Variants in PLCG2 observed in about 807,000 individuals in gnomAD.
PLCG2 encodes phospholipase C gamma 2.
In PLCG2, 69 loss-of-function variants were observed where a neutral mutation model predicts 175.6. That is an observed-to-expected ratio of 0.39 (90% CI 0.32 to 0.48). The LOEUF (loss-of-function observed/expected upper bound fraction) is 0.48. Ranked by LOEUF, PLCG2 falls within the 20% of genes least tolerant of loss-of-function variation. The probability of loss-of-function intolerance (pLI) is 0.91; values close to 1 mark genes in which losing one functional copy is unlikely to be tolerated. For missense variants in PLCG2, 1,798 were observed against 1,650.9 expected (o/e 1.09, Z -1.54); for synonymous variants, 827 against 624.0 (o/e 1.33, Z -4.85).
intron 1 of PLCG2, among the ~76,000 whole-genome samples, chr16:81,780,780 A>C (rs1484698972): frequency 6.6e-6 from 1 of 152,162 alleles, no homozygotes; most frequent in African/African-American, 2.4e-5. Context: ...TAATCCCAGC[A>C]CTTTGGGAGG....
Position 81,923,477 on chromosome 16 carries a change from C to T in PLCG2, c.2308-8C>T. ...GCCTGACCTTTTCCTTCTTGTTTTC[C>T]CTGAAAGCCTCAGAGAACCGTGAAA... On this transcript the variant is annotated splice_polypyrimidine_tract_variant and splice_region_variant and intron_variant, in intron 21 of 32. Transcript: ENST00000564138. 1.9e-6 allele frequency: 3 copies of T among 1,584,492 alleles called. No homozygotes were observed. Among genetic ancestry groups the T allele is most frequent in the East Asian group, 2.2e-5 (1 of 44,628 alleles).
rs1908771040 is a variant in PLCG2 at position 81,894,112 on chromosome 16, G to A, written c.1072+318G>A. On this transcript the variant is annotated intron_variant, in intron 12 of 32. Coordinates refer to ENST00000564138, the MANE Select transcript of PLCG2 (RefSeq NM_002661.5). The stretch of plus-strand genomic sequence containing the variant: ...CAGGTACCGCGTATCACCTGGATTG[G>A]GGGGTCTCTGAGCAAATGTGAAAAG... Among the ~76,000 whole-genome samples, 3 of 151,954 alleles carry A rather than the reference G, an allele frequency of 2.0e-5. No homozygotes were observed. In the South Asian group the frequency reaches 6.2e-4, roughly 32 times the overall value.
chr16:81,910,279 C>T (rs1023775949), intron 17 of PLCG2, among the ~76,000 whole-genome samples: 7 of 152,040 alleles, frequency 4.6e-5, no homozygotes, highest in African/African-American at 7.2e-5. Context: ...TTAGTAGAGA[C>T]GAGATTTCAC....
chr16:81,815,359 T>G (rs139975981), intron 2 of PLCG2, among the ~76,000 whole-genome samples: 1,799 of 152,284 alleles, frequency 0.012, 36 homozygotes, highest in African/African-American at 0.041. Context: ...GAGATCCTTC[T>G]GTGTAGCTGA....
At chr16:81,875,364 G>A (rs1315036135) in intron 7 of PLCG2, among the ~76,000 whole-genome samples, 1 of 152,182 alleles carries the variant, frequency 6.6e-6, no homozygotes, top group Non-Finnish European at 1.5e-5. Flanking sequence ...GAGGTCCAGA[G>A]AGGTTACTTT....
Position 81,848,818 on chromosome 16 carries a change from A to T in PLCG2, c.194-5626A>T, listed in dbSNP as rs553923895. 1.1e-4 allele frequency among the ~76,000 whole-genome samples: 17 copies of T among 152,278 alleles called. No individual in the cohort carries two copies. The East Asian group carries it at 3.3e-3, about 29-fold the overall frequency. ...ACAGTCTAGGAAAGGAGGGCTGTGG[A>T]TCCACAGATTCCATCTAATACATAT... On this transcript the variant is annotated intron_variant, in intron 2 of 32. Coordinates refer to ENST00000564138, the MANE Select transcript of PLCG2 (RefSeq NM_002661.5).
intron 7 of PLCG2, among the ~76,000 whole-genome samples, chr16:81,875,257 C>A (rs1424682275): frequency 6.6e-6 from 1 of 152,102 alleles, no homozygotes; most frequent in Non-Finnish European, 1.5e-5. Context: ...AGCCATCATG[C>A]CCAACCTGCT....
At chr16:81,789,730 C>T (rs1398296007) in intron 2 of PLCG2, among the ~76,000 whole-genome samples, 1 of 152,080 alleles carries the variant, frequency 6.6e-6, no homozygotes, top group African/African-American at 2.4e-5. Flanking sequence ...GGTAACTAGG[C>T]AGGTTTCACA....
At chr16:81,788,175 C>A (rs1911067571) in intron 2 of PLCG2, among the ~76,000 whole-genome samples, 1 of 152,096 alleles carries the variant, frequency 6.6e-6, no homozygotes, top group African/African-American at 2.4e-5. Context: ...CATTTATATT[C>A]CTTCCAGTGG....
At chr16:81,829,495 G>A (rs1366732557) in intron 2 of PLCG2, among the ~76,000 whole-genome samples, 1 of 152,338 alleles carries the variant, frequency 6.6e-6, no homozygotes, top group Middle Eastern at 3.4e-3. Context: ...TGGGATTACA[G>A]GTGTGAGCCA....
intron 2 of PLCG2, among the ~76,000 whole-genome samples, chr16:81,853,495 G>A (rs1906525087): frequency 6.6e-6 from 1 of 152,110 alleles, no homozygotes; most frequent in African/African-American, 2.4e-5. Flanking sequence ...ATTGCTTTAG[G>A]ATAAAACTGT....
chr16:81,880,809 C>T (rs1908040769), intron 7 of PLCG2, 101 bp from the exon 8 acceptor site: 5 of 981,802 alleles, frequency 5.1e-6, no homozygotes, highest in Non-Finnish European at 6.5e-6. Context: ...GATCTTGTTG[C>T]ATCTGACAAA....
At chr16:81,805,170 A>G (rs949147734) in intron 2 of PLCG2, among the ~76,000 whole-genome samples, 3 of 152,174 alleles carry the variant, frequency 2.0e-5, no homozygotes, top group Non-Finnish European at 4.4e-5. Flanking sequence ...AAGAGCTGAT[A>G]AAGGACCCAT....
At chr16:81,816,037 G>C (rs985270506) in intron 2 of PLCG2, among the ~76,000 whole-genome samples, 1 of 148,952 alleles carries the variant, frequency 6.7e-6, no homozygotes, top group African/African-American at 2.5e-5. Context: ...ACTTCAGCCT[G>C]GGTGACAGAG....
At chr16:81,834,714 G>C (rs532407240) in intron 2 of PLCG2, among the ~76,000 whole-genome samples, 37 of 152,188 alleles carry the variant, frequency 2.4e-4, no homozygotes, top group African/African-American at 8.9e-4. Context: ...GGGTGGGGAG[G>C]AGAACCCACT....
chr16:81,894,171 G>A (rs62044000), intron 12 of PLCG2, among the ~76,000 whole-genome samples: 11,526 of 152,200 alleles, frequency 0.076, 517 homozygotes, highest in African/African-American at 0.12. Context: ...GCTCATGCCT[G>A]TAATCCCAGC....
At chr16:81,800,225 T>A (rs1911660786) in intron 2 of PLCG2, among the ~76,000 whole-genome samples, 2 of 152,220 alleles carry the variant, frequency 1.3e-5, no homozygotes, top group South Asian at 4.1e-4. Flanking sequence ...ACTTTTATTG[T>A]AAGTTCTGGG....
chr16:81,870,291 C>G (rs562612046), intron 6 of PLCG2, among the ~76,000 whole-genome samples: 24 of 152,256 alleles, frequency 1.6e-4, no homozygotes, highest in Admixed American at 4.6e-4. Context: ...TAGTGGTTCT[C>G]CCATTTTACA....
intron 17 of PLCG2, 31 bp from the exon 18 acceptor site, chr16:81,910,489 T>A (rs754029085): frequency 6.2e-7 from 1 of 1,607,764 alleles, no homozygotes; most frequent in Admixed American, 1.7e-5. Context: ...GCCTGCGTTC[T>A]CCCAGCACTG....
Sources: gnomAD v4.1 joint callset for allele counts (sites outside exome capture counted in the v4.1 genomes callset) on GRCh38, gnomAD v4.1.1 for gene constraint, MANE v1.5 for transcripts, NCBI Gene and HGNC (gene_info 2026-07-23, HGNC 2026-07-21) for gene names.